RAPGEF6: variants seen among roughly 807,000 people sequenced by gnomAD.
The protein encoded by RAPGEF6 is Rap guanine nucleotide exchange factor 6.
A neutral mutation model predicts 171.4 loss-of-function variants in RAPGEF6; 56 were observed. The observed-to-expected ratio is 0.33, with a 90% confidence interval of 0.26 to 0.41. RAPGEF6 has a LOEUF of 0.41. Among genes scored for constraint, RAPGEF6 ranks in the 10% least tolerant of loss-of-function variants. The pLI, the probability that RAPGEF6 is intolerant of heterozygous loss-of-function variation, is 1.00. For synonymous variants in RAPGEF6, 692 were observed against 650.1 expected (o/e 1.06, Z -0.98); for missense variants, 1,674 against 1,921.4 (o/e 0.87, Z 2.41).
At chr5:131,612,612 T>A (rs964347210) in intron 1 of RAPGEF6, among the ~76,000 whole-genome samples, 4 of 152,158 alleles carry the variant, frequency 2.6e-5, no homozygotes, top group Non-Finnish European at 4.4e-5. Context: ...CCTGTGGAAA[T>A]GTGCTTGTAA....
chr5:131,530,885 CAAGTG>C (rs1449251788), intron 6 of RAPGEF6, among the ~76,000 whole-genome samples: 1 of 152,182 alleles, frequency 6.6e-6, no homozygotes, highest in Non-Finnish European at 1.5e-5. Flanking sequence ...TTCCTTTCTA[CAAGTG>C]GTTTAAACCT....
At chr5:131,450,827 C>T (rs1016168372) in intron 21 of RAPGEF6, among the ~76,000 whole-genome samples, 1 of 152,100 alleles carries the variant, frequency 6.6e-6, no homozygotes, top group Non-Finnish European at 1.5e-5. Context: ...TTTATTTTCC[C>T]CCAATACCTT....
At chr5:131,617,061 T>C (rs1254495040) in intron 1 of RAPGEF6, among the ~76,000 whole-genome samples, 1 of 152,234 alleles carries the variant, frequency 6.6e-6, no homozygotes, top group Non-Finnish European at 1.5e-5. Context: ...CAAATTCAAC[T>C]GTATCATACA....
chr5:131,474,381 G>C (rs374459754), intron 16 of RAPGEF6, among the ~76,000 whole-genome samples: 1 of 152,088 alleles, frequency 6.6e-6, no homozygotes, highest in Non-Finnish European at 1.5e-5. Flanking sequence ...CAGGAGAATC[G>C]CTTGAACCCA....
chr5:131,620,459 C>T lies in RAPGEF6; in HGVS notation c.69+14503G>A, dbSNP rs1319524665. Among the ~76,000 whole-genome samples, 3 of 152,374 alleles carry T rather than the reference C, an allele frequency of 2.0e-5. No homozygotes were observed. The East Asian group carries it at 5.8e-4, about 29-fold the overall frequency. On this transcript the variant is annotated intron_variant, in intron 1 of 27. Coordinates refer to ENST00000509018, the MANE Select transcript of RAPGEF6 (RefSeq NM_016340.6). ...AGTTAACAGTACTCAGGTTCATTGG[C>T]TCTGGCCAGAAATCTGTCAATTCTA...
chr5:131,455,771 G>A (rs1447054003), intron 20 of RAPGEF6, 30 bp downstream of exon 20: 2 of 1,564,126 alleles, frequency 1.3e-6, no homozygotes, highest in African/African-American at 2.7e-5. Flanking sequence ...AAACCATGTG[G>A]TAAAACATCA....
At chr5:131,480,034 G>GA (rs1290124023) in intron 15 of RAPGEF6, among the ~76,000 whole-genome samples, 5 of 151,124 alleles carry the variant, frequency 3.3e-5, no homozygotes, top group South Asian at 4.2e-4. Flanking sequence ...AGGCAAGTTT[G>GA]AAAAAAAACA....
intron 6 of RAPGEF6, among the ~76,000 whole-genome samples, chr5:131,525,662 G>A (rs1758825448): frequency 6.7e-6 from 1 of 149,866 alleles, no homozygotes; most frequent in Non-Finnish European, 1.5e-5. Flanking sequence ...ATTTAGATAT[G>A]AAAAAAAAAA....
chr5:131,608,298 A>G (rs1561603113), intron 1 of RAPGEF6, among the ~76,000 whole-genome samples: 1 of 152,228 alleles, frequency 6.6e-6, no homozygotes, highest in Admixed American at 6.5e-5. Context: ...TCTATATTTT[A>G]AATCTTATCA....
intron 13 of RAPGEF6, among the ~76,000 whole-genome samples, chr5:131,493,923 C>T (rs1006648020): frequency 6.6e-6 from 1 of 152,174 alleles, no homozygotes; most frequent in African/African-American, 2.4e-5. Context: ...TTCACTCTCC[C>T]CATTTTGTAT....
At chr5:131,592,017 C>T (rs1361990345) in intron 4 of RAPGEF6, among the ~76,000 whole-genome samples, 1 of 152,100 alleles carries the variant, frequency 6.6e-6, no homozygotes, top group Admixed American at 6.5e-5. Context: ...GCCACCACAC[C>T]TAGCTAATTT....
At chr5:131,537,929 CA>C (rs35059784) in intron 6 of RAPGEF6, among the ~76,000 whole-genome samples, 118,211 of 151,342 alleles carry the variant, frequency 0.78, 46,453 homozygotes, top group African/African-American at 0.84. Flanking sequence ...TCCGTCTCTA[CA>C]AAAAAAAACA....
intron 4 of RAPGEF6, among the ~76,000 whole-genome samples, chr5:131,587,120 T>C (rs1417741968): frequency 6.6e-6 from 1 of 152,154 alleles, no homozygotes; most frequent in Non-Finnish European, 1.5e-5. Flanking sequence ...CCCAATAGAT[T>C]CCATTATTCT....
chr5:131,458,185 G>T (rs78413599), intron 19 of RAPGEF6, among the ~76,000 whole-genome samples: 1 of 152,264 alleles, frequency 6.6e-6, no homozygotes, highest in African/African-American at 2.4e-5. Context: ...ATTTCACGTG[G>T]AATTGTAATC....
At position 131,446,632 on chromosome 5, in the gene RAPGEF6, C is replaced by T. The variant is rs750538413; in HGVS notation, c.3272G>A (p.Arg1091His). 7 of 1,614,172 alleles carry T rather than the reference C, an allele frequency of 4.3e-6. No individual in the cohort carries two copies. The highest frequency in any genetic ancestry group is 1.1e-5 in the South Asian group (1 of 91,088). The change falls in exon 22 of 28, where the codon CGC (arginine) becomes CAC (histidine). Residue 1091 changes from arginine (R) to histidine (H), a missense_variant. By Grantham distance (29) the Arg-to-His change is conservative (BLOSUM62 0). Coordinates refer to ENST00000509018, the MANE Select transcript of RAPGEF6 (RefSeq NM_016340.6). ...VQGGAHKKRA[R>H]RSSLLNAKKL... ...CTTGGCATTAAGCAGAGAGCTGCGG[C>T]GTGCCCTTTTTTTGTGAGCACCTCC... is the stretch of plus-strand genomic sequence containing the variant.
chr5:131,504,631 T>C lies in RAPGEF6; in HGVS notation c.1249A>G (p.Ile417Val), dbSNP rs768239107. 1.3e-6 allele frequency: 2 copies of C among 1,593,806 alleles called. No homozygotes were observed. Among genetic ancestry groups the C allele is most frequent in the South Asian group, 1.1e-5 (1 of 87,008 alleles). ...RSGTRKGHIV[I>V]KATPERLIMH... is the part of the protein sequence containing the mutation. ...AAATAAGTAAAAACACCCACCTTGA[T>C]CACAATGTGTCCTTTCCTGGTTCCA... The change falls in exon 11 of 28, where the codon ATC becomes GTC. Residue 417 changes from isoleucine to valine, a missense_variant. Ile to Val is a conservative substitution (Grantham distance 29, BLOSUM62 3). Transcript: ENST00000509018.
At chr5:131,630,741 C>T (rs1015006689) in intron 1 of RAPGEF6, among the ~76,000 whole-genome samples, 2 of 152,052 alleles carry the variant, frequency 1.3e-5, no homozygotes, top group Admixed American at 1.3e-4. Flanking sequence ...CACCTAAGGA[C>T]GACAGATGGT....
intron 1 of RAPGEF6, among the ~76,000 whole-genome samples, chr5:131,618,250 T>C (rs759574041): frequency 1.3e-5 from 2 of 152,090 alleles, no homozygotes; most frequent in East Asian, 1.9e-4. Context: ...CATTACTTCA[T>C]AGTGATTTAA....
rs978717953 is a variant in RAPGEF6, at chr5:131,521,659, G to C, written c.496-138C>G. On this transcript the variant is annotated intron_variant, in intron 6 of 27. Transcript: ENST00000509018. ...CCAAGTTCTCTACTTTCAGCAAAAA[G>C]ATCTTTTGAAATAAGAACCATATGG... The C allele has an allele frequency of 4.4e-6, 3 of 677,894 alleles. No individual in the cohort carries two copies. The African/African-American group carries it at 5.6e-5, about 13-fold the overall frequency. 42.0% of individuals were successfully genotyped at this position (677,894 alleles called of 1,614,324 possible).
Sources: gnomAD v4.1 joint callset for allele counts (sites outside exome capture counted in the v4.1 genomes callset) on GRCh38, gnomAD v4.1.1 for gene constraint, MANE v1.5 for transcripts, NCBI Gene and HGNC (gene_info 2026-07-23, HGNC 2026-07-21) for gene names.